Variants in ADORA2A observed in about 807,000 individuals in gnomAD.
The protein encoded by ADORA2A is adenosine receptor A2a.
A neutral mutation model predicts 18.4 loss-of-function variants in ADORA2A; 11 were observed. The ratio of observed to expected loss-of-function variants is 0.60; its 90% confidence interval spans 0.38 to 0.99. ADORA2A has a LOEUF of 0.99. ADORA2A is among the 50% of genes least tolerant of loss of function. The pLI is 0.01. For missense variants in ADORA2A, 449 were observed against 556.1 expected (o/e 0.81, Z 1.94); for synonymous variants, 218 against 237.3 (o/e 0.92, Z 0.75).
chr22:24,436,908 G>A (rs2043192545), intron 2 of ADORA2A, among the ~76,000 whole-genome samples: 1 of 152,172 alleles, frequency 6.6e-6, no homozygotes, highest in African/African-American at 2.4e-5. Context: ...GTAGGGAAGG[G>A]TGGCCTGGCT....
chr22:24,441,641 G>C lies in ADORA2A; in HGVS notation c.*152G>C. ...ACTGAGAGAAGGGAGCCCCAGGCTG[G>C]AGCAGCATGAGGCCCAGCAAGAAGG... On this transcript the variant is annotated 3_prime_UTR_variant, in exon 3 of 3. Coordinates refer to ENST00000337539, the MANE Select transcript of ADORA2A (RefSeq NM_000675.6). 1.4e-6 allele frequency: 1 copy of C among 725,530 alleles called. No homozygotes were observed. The highest frequency in any genetic ancestry group is 2.0e-6 in the Non-Finnish European group (1 of 495,450). The allele number at this position is 725,530 out of a possible 1,614,324, so 44.9% of individuals were successfully genotyped here. A position where few individuals can be genotyped will look rare whatever the true frequency, so the allele number is the denominator to read the frequency against.
upstream of ADORA2A, among the ~76,000 whole-genome samples, chr22:24,425,866 A>C (rs1362259101): frequency 6.6e-6 from 1 of 152,192 alleles, no homozygotes; most frequent in East Asian, 1.9e-4. Context: ...TCTGTAGAAC[A>C]AGGATGATGA....
intron 1 of ADORA2A, chr22:24,430,964 G>A (rs2043016883): frequency 5.4e-6 from 2 of 368,644 alleles, no homozygotes; most frequent in South Asian, 2.0e-5. Flanking sequence ...GCACCTGGGT[G>A]GGAGGCAGCC....
intron 2 of ADORA2A, among the ~76,000 whole-genome samples, chr22:24,435,370 A>G (rs1467200251): frequency 1.3e-5 from 2 of 152,222 alleles, no homozygotes; most frequent in Admixed American, 6.5e-5. Context: ...AACCAAGCTG[A>G]GTCTGCACAC....
At position 24,442,266 on chromosome 22, in the gene ADORA2A, C is replaced by T. The variant is rs956847444; in HGVS notation, c.*777C>T. ...TAGCGCAGAGCTACCCAGTGAGAGG[C>T]CTTGTCTAACTGCCTTTCCTTCTAA... On this transcript the variant is annotated 3_prime_UTR_variant, in exon 3 of 3. Coordinates refer to ENST00000337539, the MANE Select transcript of ADORA2A (RefSeq NM_000675.6). The T allele has an allele frequency of 1.3e-5, 2 of 152,792 alleles. No homozygotes were observed. The highest frequency in any genetic ancestry group is 4.8e-5 in the African/African-American group (2 of 41,450). 9.5% of individuals were successfully genotyped at this position (152,792 alleles called of 1,614,324 possible).
chr22:24,434,054 G>A (rs888265385), intron 2 of ADORA2A, among the ~76,000 whole-genome samples: 5 of 152,222 alleles, frequency 3.3e-5, no homozygotes, highest in Non-Finnish European at 7.3e-5. Context: ...GGGCTTAGCA[G>A]GGAGCTGTGG....
upstream of ADORA2A, among the ~76,000 whole-genome samples, chr22:24,426,792 G>A (rs1029260269): frequency 5.3e-5 from 8 of 152,170 alleles, no homozygotes; most frequent in African/African-American, 1.7e-4. Context: ...GCCCAGGGAA[G>A]GCAGGACCCT....
At chr22:24,428,454 T>A (rs556326244) in intron 1 of ADORA2A, among the ~76,000 whole-genome samples, 1 of 152,314 alleles carries the variant, frequency 6.6e-6, no homozygotes, top group African/African-American at 2.4e-5. Context: ...GTCCTTCTAT[T>A]TTTCAGTCCC....
At chr22:24,431,870 C>G (rs1226432835) in intron 1 of ADORA2A, among the ~76,000 whole-genome samples, 1 of 152,152 alleles carries the variant, frequency 6.6e-6, no homozygotes, top group Admixed American at 6.5e-5. Context: ...CATTTTGACT[C>G]TGGGGGAGCC....
chr22:24,423,902 C>A (rs1291889163), upstream of ADORA2A: 1 of 151,650 alleles, frequency 6.6e-6, no homozygotes, highest in Non-Finnish European at 1.5e-5. Flanking sequence ...GCGGCGCGGC[C>A]GGAGCCGGAG....
chr22:24,432,985 C>T, intron 1 of ADORA2A, 146 bp from the exon 2 acceptor site: 1 of 236,846 alleles, frequency 4.2e-6, no homozygotes, highest in Non-Finnish European at 8.4e-6. Context: ...CAGGGGCCAT[C>T]CTCAGGCTGA....
In ADORA2A at chr22:24,440,601, C is replaced by T. The variant is rs199600702; in HGVS notation, c.351C>T (p.Thr117=). 18 of 1,563,374 alleles carry T rather than the reference C, an allele frequency of 1.2e-5. No individual in the cohort carries two copies. The highest frequency in any genetic ancestry group is 1.1e-4 in the South Asian group (9 of 82,832). The part of the protein sequence containing the change: ...RIPLRYNGLV[T]GTRAKGIIAI... ...TCCCCAGGTACAATGGCTTGGTGAC[C>T]GGCACGAGGGCTAAGGGCATCATTG... The change falls in exon 3 of 3, where the codon ACC becomes ACT. Residue 117 remains threonine, a synonymous_variant. Transcript: ENST00000337539.
intron 1 of ADORA2A, chr22:24,431,573 G>A (rs903633075): frequency 4.5e-6 from 2 of 442,922 alleles, no homozygotes; most frequent in Non-Finnish European, 9.2e-6. Context: ...CTGGAAGAGA[G>A]AGAGAGACGA....
chr22:24,430,781 G>T, intron 1 of ADORA2A: 1 of 294,420 alleles, frequency 3.4e-6, no homozygotes, highest in Non-Finnish European at 6.8e-6. Context: ...GGTCAGATTG[G>T]CAGAAGGCTG....
intron 2 of ADORA2A, chr22:24,439,165 A>C (rs2043263389): frequency 7.1e-6 from 1 of 140,846 alleles, no homozygotes; most frequent in South Asian, 2.3e-4. Flanking sequence ...GCTCACTGCA[A>C]GCTCTGCCTC....
At position 24,441,424 on chromosome 22, in the gene ADORA2A, G is replaced by C. The variant is rs1277013918; in HGVS notation, c.1174G>C (p.Gly392Arg). 2 of 1,536,282 alleles carry C rather than the reference G, an allele frequency of 1.3e-6. No homozygotes were observed. The highest frequency in any genetic ancestry group is 4.5e-5 in the East Asian group (2 of 44,352). Reference sequence around the variant, plus strand: ...GGAGCTCCTTAGCCATGAGCTCAAGGGAGTGTGCCCAGAGCCCCCTGGCCT... The same window carrying C: ...GGAGCTCCTTAGCCATGAGCTCAAGCGAGTGTGCCCAGAGCCCCCTGGCCT... ...DVELLSHELKGVCPEPPGLDD... is the reference protein window; with the variant it reads ...DVELLSHELKRVCPEPPGLDD... Residue 392 changes from glycine to arginine, a missense_variant, in exon 3 of 3, where the codon GGA becomes CGA. Gly to Arg is a moderately radical substitution (Grantham distance 125, BLOSUM62 -2). Transcript: ENST00000337539.
upstream of ADORA2A, among the ~76,000 whole-genome samples, chr22:24,427,139 C>A (rs1310505489): frequency 6.6e-6 from 1 of 152,182 alleles, no homozygotes; most frequent in Non-Finnish European, 1.5e-5. Flanking sequence ...TCCCCAGAGG[C>A]CCCGGGCTGG....
At chr22:24,433,059 T>TA (rs755524007) in intron 1 of ADORA2A, 72 bp from the exon 2 acceptor site, 8 of 375,740 alleles carry the variant, frequency 2.1e-5, no homozygotes, top group Non-Finnish European at 3.5e-5. Context: ...AAGTGTGGGG[T>TA]AAGGGGTGGC....
chr22:24,434,217 T>A (rs2043119286), intron 2 of ADORA2A, among the ~76,000 whole-genome samples: 1 of 152,084 alleles, frequency 6.6e-6, no homozygotes, highest in Admixed American at 6.5e-5. Context: ...TTCCCCCAGA[T>A]CCTCTGGGCC....
Sources: allele counts gnomAD v4.1 joint callset (sites outside exome capture counted in the v4.1 genomes callset), GRCh38; gene constraint gnomAD v4.1.1; transcripts MANE v1.5; gene names NCBI Gene and HGNC (gene_info 2026-07-23, HGNC 2026-07-21).